Variants in MAP3K5 observed in about 807,000 individuals in gnomAD.
MAP3K5 encodes the protein mitogen-activated protein kinase kinase kinase 5, also known as ASK-1.
In MAP3K5, 56 loss-of-function variants were observed where a neutral mutation model predicts 158.7. The observed-to-expected ratio is 0.35, with a 90% CI of 0.28 to 0.44. The LOEUF is 0.44. Ranked by LOEUF, MAP3K5 falls within the 20% of genes least tolerant of loss-of-function variation. The pLI is 1.00. For synonymous variants in MAP3K5, 579 were observed against 601.7 expected, an observed-to-expected ratio of 0.96 and a Z score of 0.55; for missense variants, 1,294 against 1,674.8, an observed-to-expected ratio of 0.77 and a Z score of 3.97.
chr6:136,620,505 G>A (rs1455999751), intron 15 of MAP3K5, among the ~76,000 whole-genome samples: 2 of 152,156 alleles, frequency 1.3e-5, no homozygotes, highest in Non-Finnish European at 2.9e-5. Context: ...TATAACTGGA[G>A]ATGTGGGGTA....
intron 7 of MAP3K5, among the ~76,000 whole-genome samples, chr6:136,683,640 AT>A (rs1198648788): frequency 3.3e-5 from 5 of 152,096 alleles, no homozygotes; most frequent in South Asian, 2.1e-4. Context: ...GCAAGTGTTA[AT>A]TTTTTTTAAG....
intron 1 of MAP3K5, among the ~76,000 whole-genome samples, chr6:136,790,671 A>G (rs1785037595): frequency 6.6e-6 from 1 of 152,236 alleles, no homozygotes; most frequent in Admixed American, 6.5e-5. Flanking sequence ...AATTGAAAAC[A>G]AGATTGGAAA....
At chr6:136,763,195 T>C (rs947657074) in intron 1 of MAP3K5, among the ~76,000 whole-genome samples, 1 of 152,166 alleles carries the variant, frequency 6.6e-6, no homozygotes, top group African/African-American at 2.4e-5. Flanking sequence ...GGCATCACTA[T>C]GTTGCCCAGG....
intron 1 of MAP3K5, among the ~76,000 whole-genome samples, chr6:136,751,988 G>C (rs1783230808): frequency 6.6e-6 from 1 of 152,156 alleles, no homozygotes; most frequent in South Asian, 2.1e-4. Context: ...TATTTTTTAA[G>C]TCATCTTAAT....
intron 2 of MAP3K5, among the ~76,000 whole-genome samples, chr6:136,708,412 T>C (rs1781166558): frequency 1.3e-5 from 2 of 152,014 alleles, no homozygotes; most frequent in Non-Finnish European, 2.9e-5. Flanking sequence ...CCTGCCACCA[T>C]GCCTGGCTAA....
chr6:136,773,621 AT>A (rs1054320503), intron 1 of MAP3K5, among the ~76,000 whole-genome samples: 3 of 151,268 alleles, frequency 2.0e-5, no homozygotes, highest in African/African-American at 7.3e-5. Flanking sequence ...TCCTTTGCCC[AT>A]TTTTTGTTGT....
chr6:136,679,578 A>G (rs966715509), intron 7 of MAP3K5, among the ~76,000 whole-genome samples: 41 of 152,340 alleles, frequency 2.7e-4, no homozygotes, highest in African/African-American at 8.7e-4. Context: ...TCCAATTCAG[A>G]CTACTTATTT....
At chr6:136,593,572 T>C (rs879075239) in intron 21 of MAP3K5, 1 of 280,642 alleles carries the variant, frequency 3.6e-6, no homozygotes, top group Admixed American at 4.4e-5. Flanking sequence ...TCTGTATATG[T>C]ATGCCTGAAC....
chr6:136,697,003 C>T (rs942445625), intron 5 of MAP3K5, among the ~76,000 whole-genome samples: 6 of 152,174 alleles, frequency 3.9e-5, no homozygotes, highest in Non-Finnish European at 7.4e-5. Flanking sequence ...AAAGTCAGGC[C>T]TTTACCATAC....
At chr6:136,646,271 G>A (rs1371965986) in intron 11 of MAP3K5, among the ~76,000 whole-genome samples, 1 of 152,068 alleles carries the variant, frequency 6.6e-6, no homozygotes, top group Non-Finnish European at 1.5e-5. Context: ...GGTGAAAATG[G>A]AAAATGGACA....
intron 1 of MAP3K5, among the ~76,000 whole-genome samples, chr6:136,748,400 T>G (rs930779848): frequency 6.6e-6 from 1 of 152,188 alleles, no homozygotes; most frequent in Non-Finnish European, 1.5e-5. Context: ...AAGGTCTGAT[T>G]GCAAAAATTC....
intron 4 of MAP3K5, among the ~76,000 whole-genome samples, chr6:136,698,258 C>T (rs911264591): frequency 6.6e-6 from 1 of 152,194 alleles, no homozygotes; most frequent in Non-Finnish European, 1.5e-5. Context: ...TCTACCATCA[C>T]TATAAAGCGG....
chr6:136,783,749 G>A (rs937903353), intron 1 of MAP3K5, among the ~76,000 whole-genome samples: 1 of 152,188 alleles, frequency 6.6e-6, no homozygotes, highest in Admixed American at 6.5e-5. Context: ...GTCAGCCCTG[G>A]AGTCAGTAGC....
intron 18 of MAP3K5, among the ~76,000 whole-genome samples, chr6:136,607,385 TTG>T (rs1776147430): frequency 1.3e-5 from 2 of 152,204 alleles, no homozygotes; most frequent in Non-Finnish European, 2.9e-5. Flanking sequence ...CATCTGCCAA[TTG>T]TGTTTAATTA....
intron 1 of MAP3K5, among the ~76,000 whole-genome samples, chr6:136,767,480 C>T (rs1187873647): frequency 6.6e-6 from 1 of 152,004 alleles, no homozygotes; most frequent in Non-Finnish European, 1.5e-5. Flanking sequence ...AATCCCAAAA[C>T]CCTGAAAACC....
intron 1 of MAP3K5, among the ~76,000 whole-genome samples, chr6:136,736,542 T>C (rs559369081): frequency 2.6e-4 from 40 of 152,302 alleles, no homozygotes; most frequent in African/African-American, 8.2e-4. Flanking sequence ...TGAATAAGAT[T>C]AAAACTATTC....
At chr6:136,585,320 G>A (rs1562524552) in intron 23 of MAP3K5, among the ~76,000 whole-genome samples, 2 of 151,118 alleles carry the variant, frequency 1.3e-5, no homozygotes, top group Admixed American at 1.3e-4. Context: ...GTTTTGCTAA[G>A]TTGCCCAGGC....
intron 23 of MAP3K5, chr6:136,584,626 C>T (rs1469455794): frequency 2.6e-5 from 4 of 152,246 alleles, no homozygotes; most frequent in African/African-American, 9.7e-5. Flanking sequence ...TCCCACGACA[C>T]ATGGGAATTG....
chr6:136,714,371 G>T (rs963345181), intron 2 of MAP3K5, among the ~76,000 whole-genome samples: 1 of 152,134 alleles, frequency 6.6e-6, no homozygotes, highest in East Asian at 1.9e-4. Flanking sequence ...GCTTCAAATG[G>T]ATATGAATGA....
Sources: allele counts gnomAD v4.1 joint callset (sites outside exome capture counted in the v4.1 genomes callset), GRCh38; gene constraint gnomAD v4.1.1; transcripts MANE v1.5; gene names NCBI Gene and HGNC (gene_info 2026-07-23, HGNC 2026-07-21).